The following AHCTF1 variants were observed in gnomAD, a reference collection of about 807,000 sequenced individuals.
AHCTF1 encodes protein ELYS.
In AHCTF1, 24 loss-of-function variants were observed where a neutral mutation model predicts 248.4. That is an observed-to-expected ratio of 0.10 (90% confidence interval 0.07 to 0.14). The LOEUF is 0.14. Among genes scored for constraint, AHCTF1 ranks in the 10% least tolerant of loss-of-function variants. The pLI is 1.00. For synonymous variants in AHCTF1, 786 were observed against 929.8 expected (o/e 0.85, Z 2.81); for missense variants, 2,206 against 2,636.2 (o/e 0.84, Z 3.57).
rs532394440 is a variant in AHCTF1 at position 246,922,900 on chromosome 1, A to G, written c.-7-4523T>C. On this transcript the variant is annotated intron_variant, in intron 1 of 35. Transcript: ENST00000648844. ...CGGGAGGCTGAGGCAGGAGAATGGCATGAACCCAGGAGGCGGAGTTTGCAG... is the reference window on the plus strand; with the variant it reads ...CGGGAGGCTGAGGCAGGAGAATGGCGTGAACCCAGGAGGCGGAGTTTGCAG... 5.7e-3 allele frequency among the ~76,000 whole-genome samples: 824 copies of G among 145,740 alleles called. 7 individuals carry two copies. Among genetic ancestry groups the G allele is most frequent in the African/African-American group, 0.017 (684 of 39,378 alleles).
intron 31 of AHCTF1, among the ~76,000 whole-genome samples, chr1:246,853,929 G>A (rs1007762271): frequency 5.9e-5 from 9 of 152,068 alleles, no homozygotes; most frequent in Admixed American, 2.0e-4. Flanking sequence ...AAAAGAGGAC[G>A]ACGAAAAACC....
chr1:246,894,853 C>A, intron 13 of AHCTF1, 105 bp from the exon 14 acceptor site: 1 of 899,262 alleles, frequency 1.1e-6, no homozygotes, highest in Admixed American at 2.1e-5. Flanking sequence ...ACCGAGTGAA[C>A]ATCAACACTT....
chr1:246,878,618 G>A (rs115533290), intron 21 of AHCTF1, among the ~76,000 whole-genome samples: 121 of 152,234 alleles, frequency 7.9e-4, no homozygotes, highest in African/African-American at 2.8e-3. Context: ...GAATGGTAAT[G>A]ATCAATCTGG....
intron 12 of AHCTF1, among the ~76,000 whole-genome samples, chr1:246,897,989 T>C (rs1437106426): frequency 6.6e-6 from 1 of 152,172 alleles, no homozygotes; most frequent in Non-Finnish European, 1.5e-5. Context: ...CCTGTATCCT[T>C]CTATACAGCT....
intron 33 of AHCTF1, 70 bp downstream of exon 33, chr1:246,849,545 G>A: frequency 6.6e-7 from 1 of 1,518,154 alleles, no homozygotes; most frequent in Non-Finnish European, 8.8e-7. Flanking sequence ...CCATTTTTAG[G>A]ACAAATAACC....
At chr1:246,859,875 C>T (rs999432672) in intron 29 of AHCTF1, among the ~76,000 whole-genome samples, 1 of 151,706 alleles carries the variant, frequency 6.6e-6, no homozygotes, top group Non-Finnish European at 1.5e-5. Flanking sequence ...TTTCATTGTC[C>T]AGTGATTATT....
At chr1:246,853,837 C>A (rs1372668278) in intron 31 of AHCTF1, among the ~76,000 whole-genome samples, 5 of 149,530 alleles carry the variant, frequency 3.3e-5, no homozygotes, top group Non-Finnish European at 7.4e-5. Flanking sequence ...AATATTTCTA[C>A]ACTTTCAATG....
intron 27 of AHCTF1, among the ~76,000 whole-genome samples, chr1:246,862,371 T>C (rs1340900052): frequency 6.6e-6 from 1 of 151,930 alleles, no homozygotes; most frequent in African/African-American, 2.4e-5. Context: ...TCCCAGCTAC[T>C]TGGGAGGCTG....
intron 35 of AHCTF1, 42 bp downstream of exon 35, chr1:246,842,652 C>T (rs757569758): frequency 2.4e-5 from 37 of 1,535,042 alleles, no homozygotes; most frequent in Non-Finnish European, 3.1e-5. Flanking sequence ...GCGAGACTGT[C>T]TCAATCAATC....
At chr1:246,919,999 C>T (rs1558280275) in intron 1 of AHCTF1, among the ~76,000 whole-genome samples, 1 of 151,320 alleles carries the variant, frequency 6.6e-6, no homozygotes, top group African/African-American at 2.4e-5. Context: ...ATAAATTAGC[C>T]GGGCGTGGAG....
intron 26 of AHCTF1, among the ~76,000 whole-genome samples, chr1:246,866,540 C>G (rs1437988398): frequency 6.6e-6 from 1 of 152,032 alleles, no homozygotes; most frequent in Non-Finnish European, 1.5e-5. Flanking sequence ...TTTGTATGAC[C>G]TTATCTCAAG....
At chr1:246,867,485 T>G (rs1398890550) in intron 25 of AHCTF1, 134 bp from the exon 26 acceptor site, 1 of 1,042,772 alleles carries the variant, frequency 9.6e-7, no homozygotes, top group East Asian at 2.6e-5. Context: ...ATAATGAACA[T>G]TTCACTTTTA....
Position 246,849,744 on chromosome 1 carries a change from C to T in AHCTF1, c.6262G>A (p.Ala2088Thr). ...CTGCGGGATGATTTAGTGAAGGAAGCTGTGGCGAGCAATCTTTCTTCCTGC... is the reference window on the plus strand; with the variant it reads ...CTGCGGGATGATTTAGTGAAGGAAGTTGTGGCGAGCAATCTTTCTTCCTGC... ...NEQEERLLAT[A>T]SFTKSSRSSR... Residue 2088 changes from alanine to threonine, a missense_variant, in exon 33 of 36, where the codon GCT (alanine) becomes ACT (threonine). This residue lies in a region of AHCTF1 where 469 missense variants were observed against 470.0 expected (regional missense o/e 1.00). Coordinates refer to ENST00000648844, the MANE Select transcript of AHCTF1 (RefSeq NM_001323342.2). 5.6e-6 allele frequency: 9 copies of T among 1,613,984 alleles called. No homozygotes were observed. Among genetic ancestry groups the T allele is most frequent in the Non-Finnish European group, 7.6e-6 (9 of 1,179,870 alleles).
intron 10 of AHCTF1, 48 bp downstream of exon 10, chr1:246,900,017 C>CT: frequency 6.6e-7 from 1 of 1,519,286 alleles, no homozygotes; most frequent in Non-Finnish European, 9.0e-7. Flanking sequence ...CATTTACATA[C>CT]TTTTGTGCAT....
chr1:246,929,268 G>A (rs1184007051), intron 1 of AHCTF1, among the ~76,000 whole-genome samples: 3 of 152,162 alleles, frequency 2.0e-5, no homozygotes, highest in Non-Finnish European at 4.4e-5. Flanking sequence ...AATTAGCCGA[G>A]TGTGGCGGCG....
intron 19 of AHCTF1, among the ~76,000 whole-genome samples, chr1:246,887,823 TTATAA>T (rs1267771998): frequency 2.6e-5 from 4 of 152,192 alleles, no homozygotes; most frequent in African/African-American, 9.6e-5. Context: ...TCACGCTAAC[TTATAA>T]TGTATTCATT....
chr1:246,867,574 CAA>C, intron 25 of AHCTF1, 85 bp downstream of exon 25: 1 of 1,490,004 alleles, frequency 6.7e-7, no homozygotes, highest in South Asian at 1.2e-5. Context: ...TAAACTTAGG[CAA>C]AGAGAGTGGA....
intron 23 of AHCTF1, 150 bp downstream of exon 23, chr1:246,876,800 T>C: frequency 1.0e-6 from 1 of 956,848 alleles, no homozygotes; most frequent in East Asian, 2.5e-5. Flanking sequence ...TGTTCCCAAT[T>C]CTGTTACAGA....
chr1:246,853,270 T>G lies in AHCTF1; in HGVS notation c.4384A>C (p.Asn1462His). The change falls in exon 32 of 36, where the codon AAC (asparagine) becomes CAC (histidine). Residue 1462 changes from asparagine to histidine, a missense_variant. Asn to His is a moderately conservative substitution (Grantham distance 68). Transcript: ENST00000648844. ...SMADVLGDGG[N>H]SSLTISEGPI... ...CCTTCAGAGATAGTGAGCGAGGAGT[T>G]TCCACCATCACCAAGGACATCAGCC... 1.2e-6 allele frequency: 2 copies of G among 1,613,496 alleles called. No homozygotes were observed. The highest frequency in any genetic ancestry group is 1.7e-6 in the Non-Finnish European group (2 of 1,179,760).
Sources: gnomAD v4.1 joint callset for allele counts (sites outside exome capture counted in the v4.1 genomes callset) on GRCh38, gnomAD v4.1.1 for gene constraint, gnomAD v4.1.1 regional missense constraint, MANE v1.5 for transcripts, NCBI Gene and HGNC (gene_info 2026-07-23, HGNC 2026-07-21) for gene names.